The following ROBO2 variants were observed in gnomAD, a reference collection of about 807,000 sequenced individuals.
ROBO2 encodes the protein roundabout guidance receptor 2.
In ROBO2, 53 loss-of-function variants were observed where a neutral mutation model predicts 160.8. The observed-to-expected ratio is 0.33, with a 90% CI of 0.26 to 0.41. ROBO2 has a LOEUF of 0.41. Ranked by LOEUF, ROBO2 falls within the 10% of genes least tolerant of loss-of-function variation. The pLI, the probability that ROBO2 is intolerant of heterozygous loss-of-function variation, is 1.00. For synonymous variants in ROBO2, 664 were observed against 611.7 expected, an observed-to-expected ratio of 1.09 and a Z score of -1.26; for missense variants, 1,577 against 1,722.4, an observed-to-expected ratio of 0.92 and a Z score of 1.49.
At chr3:77,611,795 A>C (rs562000514) in intron 21 of ROBO2, among the ~76,000 whole-genome samples, 1 of 152,232 alleles carries the variant, frequency 6.6e-6, no homozygotes, top group African/African-American at 2.4e-5. Flanking sequence ...AATGATGGCA[A>C]TGTTTTCTCC....
intron 2 of ROBO2, among the ~76,000 whole-genome samples, chr3:76,639,480 A>T (rs913494134): frequency 6.6e-6 from 1 of 152,026 alleles, no homozygotes; most frequent in African/African-American, 2.4e-5. Context: ...ACACACACAC[A>T]CACACACACA....
intron 2 of ROBO2, among the ~76,000 whole-genome samples, chr3:77,379,922 C>T (rs1033946506): frequency 5.3e-5 from 8 of 152,090 alleles, no homozygotes; most frequent in African/African-American, 1.9e-4. Flanking sequence ...TTAGCTTTCA[C>T]CCTGCACCTC....
chr3:77,564,711 T>A, intron 11 of ROBO2: 1 of 583,720 alleles, frequency 1.7e-6, no homozygotes, highest in Admixed American at 2.6e-5. Context: ...CAAAGGGCTG[T>A]CACATCTCCT....
At chr3:76,037,571 A>G (rs557127972) in intron 2 of ROBO2, among the ~76,000 whole-genome samples, 3 of 152,040 alleles carry the variant, frequency 2.0e-5, no homozygotes, top group Non-Finnish European at 4.4e-5. Flanking sequence ...TTCTTCAATC[A>G]TACTGCTTTA....
At chr3:76,844,544 A>G (rs2068604931) in intron 2 of ROBO2, among the ~76,000 whole-genome samples, 1 of 151,972 alleles carries the variant, frequency 6.6e-6, no homozygotes, top group Non-Finnish European at 1.5e-5. Flanking sequence ...TTGAGCCTCT[A>G]TATTTACTTC....
At chr3:76,668,654 G>A (rs2092146707) in intron 2 of ROBO2, among the ~76,000 whole-genome samples, 1 of 151,976 alleles carries the variant, frequency 6.6e-6, no homozygotes, top group Non-Finnish European at 1.5e-5. Flanking sequence ...AGGAAGACAG[G>A]GCATAAATTT....
At chr3:76,920,976 A>C (rs2148989879) in intron 2 of ROBO2, among the ~76,000 whole-genome samples, 1 of 152,344 alleles carries the variant, frequency 6.6e-6, no homozygotes, top group African/African-American at 2.4e-5. Context: ...GTTAAACTAT[A>C]AAATCTATAT....
At chr3:76,248,884 C>G (rs1022210964) in intron 2 of ROBO2, among the ~76,000 whole-genome samples, 3 of 148,882 alleles carry the variant, frequency 2.0e-5, no homozygotes, top group Admixed American at 7.0e-5. Context: ...ACCTGAGTCT[C>G]TGCTGTTTAC....
intron 2 of ROBO2, among the ~76,000 whole-genome samples, chr3:76,785,156 G>T (rs899938167): frequency 2.0e-5 from 3 of 150,976 alleles, no homozygotes; most frequent in Admixed American, 1.3e-4. Context: ...TTGATACATT[G>T]TAAAACTCTC....
At chr3:77,641,217 C>G (rs1040524037) in intron 24 of ROBO2, among the ~76,000 whole-genome samples, 1 of 152,144 alleles carries the variant, frequency 6.6e-6, no homozygotes, top group Non-Finnish European at 1.5e-5. Flanking sequence ...GCAACTTTAT[C>G]CTCCGAAACA....
intron 2 of ROBO2, among the ~76,000 whole-genome samples, chr3:76,999,165 T>TA (rs1180476919): frequency 2.0e-5 from 3 of 151,840 alleles, no homozygotes; most frequent in Non-Finnish European, 4.4e-5. Flanking sequence ...CTTTTTTTTT[T>TA]AACTGTAAAA....
At chr3:76,272,731 A>AAT (rs371717349) in intron 2 of ROBO2, among the ~76,000 whole-genome samples, 2 of 47,914 alleles carry the variant, frequency 4.2e-5, no homozygotes, top group African/African-American at 1.2e-4. Context: ...TACACATATA[A>AAT]ATATATATAT....
chr3:76,412,278 A>T (rs1030127563), intron 2 of ROBO2, among the ~76,000 whole-genome samples: 1 of 152,168 alleles, frequency 6.6e-6, no homozygotes, highest in African/African-American at 2.4e-5. Context: ...AATTCTGGGA[A>T]ATACAATTCA....
chr3:77,104,378 T>C (rs185576037), intron 2 of ROBO2, among the ~76,000 whole-genome samples: 1 of 152,318 alleles, frequency 6.6e-6, no homozygotes, highest in East Asian at 1.9e-4. Context: ...AAGGATCCTG[T>C]TTGTTTAGCA....
chr3:76,232,281 G>C (rs1436995325), intron 2 of ROBO2, among the ~76,000 whole-genome samples: 2 of 152,184 alleles, frequency 1.3e-5, no homozygotes, highest in Non-Finnish European at 2.9e-5. Flanking sequence ...GACTTGAGAA[G>C]AGAAGAAAAG....
intron 1 of ROBO2, among the ~76,000 whole-genome samples, chr3:75,921,833 A>G (rs1947069737): frequency 6.6e-6 from 1 of 152,190 alleles, no homozygotes. Context: ...TAGTAGAAAT[A>G]TAATCGTAAG....
At chr3:77,088,395 A>G (rs2069647617) in intron 1 of ROBO2, among the ~76,000 whole-genome samples, 2 of 152,096 alleles carry the variant, frequency 1.3e-5, no homozygotes, top group African/African-American at 4.8e-5. Flanking sequence ...TATTTGTTAC[A>G]TTTTATTTTA....
chr3:77,588,646 AT>A, intron 16 of ROBO2, 104 bp from the exon 18 acceptor site: 1 of 1,074,118 alleles, frequency 9.3e-7, no homozygotes, highest in South Asian at 1.4e-5. Context: ...CTAAACAAGC[AT>A]TTCCTGCCTT....
Position 77,437,178 on chromosome 3 carries a change from A to G in ROBO2, c.389-40236A>G, listed in dbSNP as rs2079380733. 2.0e-5 allele frequency among the ~76,000 whole-genome samples: 3 copies of G among 152,056 alleles called. No homozygotes were observed. In the South Asian group the frequency reaches 6.2e-4, roughly 31 times the overall value. ...AGTGGAACCACCCTGTGGCAATAGC[A>G]TAAAGCCAGTTCACCATTCACTTGG... On this transcript the variant is annotated intron_variant, in intron 2 of 25. Coordinates refer to ENST00000461745, the Ensembl canonical transcript of ROBO2.
Sources: allele counts gnomAD v4.1 joint callset (sites outside exome capture counted in the v4.1 genomes callset), GRCh38; gene constraint gnomAD v4.1.1; transcripts MANE v1.5; gene names NCBI Gene and HGNC (gene_info 2026-07-23, HGNC 2026-07-21).